TJP3: variants seen among roughly 807,000 people sequenced by gnomAD.
TJP3 encodes the protein tight junction protein ZO-3.
Under a neutral mutation model 104.2 loss-of-function variants are expected in TJP3, and 85 were observed. That is an observed-to-expected ratio of 0.82 (90% CI 0.68 to 0.98). TJP3 has a LOEUF of 0.98. Ranked by LOEUF, TJP3 falls within the 50% of genes least tolerant of loss-of-function variation. The pLI, the probability that TJP3 is intolerant of heterozygous loss-of-function variation, is 0.00. For synonymous variants in TJP3, 550 were observed against 550.6 expected, an observed-to-expected ratio of 1.00 and a Z score of 0.02; for missense variants, 1,367 against 1,322.8, an observed-to-expected ratio of 1.03 and a Z score of -0.52.
chr19:3,746,408 C>T lies in TJP3; in HGVS notation c.2011-77C>T. On this transcript the variant is annotated intron_variant, in intron 16 of 20. Coordinates refer to ENST00000541714, the MANE Select transcript of TJP3 (RefSeq NM_001267560.2). The surrounding 1 kb of genome is among the most constrained non-coding windows in gnomAD (Gnocchi z 4.1). ...CTGGGGTCCACTCTGACCTCAGACT[C>T]TTCATCTTTCTATCTTTCTCTCTCT... is the stretch of plus-strand genomic sequence containing the variant. 19 of 1,509,810 alleles carry T rather than the reference C, an allele frequency of 1.3e-5. No homozygotes were observed. Among genetic ancestry groups the T allele is most frequent in the Non-Finnish European group, 1.7e-5 (19 of 1,100,324 alleles). The allele number at this position is 1,509,810 out of a possible 1,614,324, so 93.5% of individuals were successfully genotyped here.
rs1568383008 is a variant in TJP3, at chr19:3,732,031, T to C, written c.710T>C (p.Ile237Thr). The C allele has an allele frequency of 1.9e-6, 3 of 1,612,294 alleles. No individual in the cohort carries two copies. Among genetic ancestry groups the C allele is most frequent in the African/African-American group, 1.3e-5 (1 of 74,914 alleles). Reference sequence around the variant, plus strand: ...CGTGGGCTGCAGGAAGGAGATCTCATTCTACAGGTGAGGCCGGGCTTCTTG... The same window carrying C: ...CGTGGGCTGCAGGAAGGAGATCTCACTCTACAGGTGAGGCCGGGCTTCTTG... ...RHRGLQEGDL[I>T]LQINGVSSQN... The change falls in exon 6 of 21, where the codon ATT (isoleucine) becomes ACT (threonine). Residue 237 changes from isoleucine to threonine, a missense_variant. Ile to Thr is a moderately conservative substitution (Grantham distance 89). Coordinates refer to ENST00000541714, the MANE Select transcript of TJP3 (RefSeq NM_001267560.2).
intron 10 of TJP3, 86 bp from the exon 11 acceptor site, chr19:3,736,079 G>C: frequency 6.4e-7 from 1 of 1,569,836 alleles, no homozygotes; most frequent in South Asian, 1.2e-5. Context: ...AGGCCTGGAG[G>C]GGGTGGGGGC....
At chr19:3,717,518 C>T (rs889089363) in intron 1 of TJP3, among the ~76,000 whole-genome samples, 20 of 151,728 alleles carry the variant, frequency 1.3e-4, no homozygotes, top group Non-Finnish European at 2.4e-4. Flanking sequence ...TCACTGCAAC[C>T]GCCGCCTCCC....
rs777251677 is a variant in TJP3, at chr19:3,750,151, A to AC, written c.2629dup (p.Gln877ProfsTer13). The AC allele has an allele frequency of 1.9e-5, 30 of 1,613,596 alleles. No individual in the cohort carries two copies. ...CTCTCCTCCAAGGTGGACAGCCGCC[A>AC]CCCCCAGGGACAGTGGCGACAGGAC... On this transcript the variant is annotated frameshift_variant, in exon 20 of 21. Transcript: ENST00000541714. LOFTEE classifies it high-confidence loss of function.
Position 3,730,805 on chromosome 19 carries a change from C to A in TJP3, c.613+99C>A. On this transcript the variant is annotated intron_variant, in intron 5 of 20. Coordinates refer to ENST00000541714, the MANE Select transcript of TJP3 (RefSeq NM_001267560.2). The surrounding 1 kb of genome is among the most constrained non-coding windows in gnomAD (Gnocchi z 7.3). ...AAGTGATTCTCCTGCCTCAGCCTCCCTGGTGGCTGGGACTCCAGGCGCCCG... is the reference window on the plus strand; with the variant it reads ...AAGTGATTCTCCTGCCTCAGCCTCCATGGTGGCTGGGACTCCAGGCGCCCG... 3.0e-6 allele frequency: 4 copies of A among 1,312,130 alleles called. No homozygotes were observed. The highest frequency in any genetic ancestry group is 4.1e-6 in the Non-Finnish European group (4 of 978,266). The allele number at this position is 1,312,130 out of a possible 1,614,324, so 81.3% of individuals were successfully genotyped here.
At chr19:3,712,043 C>T (rs1033010881) in intron 1 of TJP3, among the ~76,000 whole-genome samples, 3 of 151,946 alleles carry the variant, frequency 2.0e-5, no homozygotes, top group Non-Finnish European at 4.4e-5. Context: ...GGACCAGACA[C>T]GGTGGCTCAC....
chr19:3,737,724 C>T (rs117498787), intron 11 of TJP3, among the ~76,000 whole-genome samples: 1 of 152,180 alleles, frequency 6.6e-6, no homozygotes, highest in Non-Finnish European at 1.5e-5. Context: ...CATAAGCCCA[C>T]TGGCTGGGTG....
intron 1 of TJP3, among the ~76,000 whole-genome samples, chr19:3,716,536 G>A (rs1388940874): frequency 2.0e-5 from 3 of 147,932 alleles, no homozygotes; most frequent in African/African-American, 7.3e-5. Context: ...GTGGGCGCAC[G>A]AGTGTTGTGT....
chr19:3,715,251 A>G (rs2036467289), intron 1 of TJP3, among the ~76,000 whole-genome samples: 1 of 151,532 alleles, frequency 6.6e-6, no homozygotes, highest in African/African-American at 2.4e-5. Context: ...CACCACACCC[A>G]GCTATATTTT....
In TJP3 at chr19:3,724,212, T is replaced by A. The variant is rs182224807; in HGVS notation, c.-9-4212T>A. On this transcript the variant is annotated intron_variant, in intron 1 of 20. Transcript: ENST00000541714. Reference sequence around the variant, plus strand: ...CCCTGGGGCTGTCTCTTTTTTTTTTTTGAGACGGAGTTTCCCTCTGTCGCC... The same window carrying A: ...CCCTGGGGCTGTCTCTTTTTTTTTTATGAGACGGAGTTTCCCTCTGTCGCC... Among the ~76,000 whole-genome samples the A allele has an allele frequency of 2.8e-3, 424 of 152,100 alleles. 2 individuals are homozygous for A. The highest frequency in any genetic ancestry group is 9.9e-3 in the African/African-American group (409 of 41,512).
intron 11 of TJP3, 112 bp downstream of exon 11, chr19:3,736,433 C>A (rs2036741212): frequency 9.0e-7 from 1 of 1,115,300 alleles, no homozygotes; most frequent in Non-Finnish European, 1.2e-6. Context: ...CTGTCGAGAC[C>A]CCAGATGGGT....
At chr19:3,742,832 G>T (rs929586070) in intron 14 of TJP3, among the ~76,000 whole-genome samples, 4 of 151,398 alleles carry the variant, frequency 2.6e-5, no homozygotes, top group Non-Finnish European at 4.4e-5. Flanking sequence ...CGGGCGTGGT[G>T]GTGGGCGCCT....
chr19:3,723,809 ATATAT>A (rs1227613139), intron 1 of TJP3, among the ~76,000 whole-genome samples: 7,515 of 86,080 alleles, frequency 0.087, 263 homozygotes, highest in Middle Eastern at 0.13. Flanking sequence ...AAAAAAAAAA[ATATAT>A]ATATATATAT....
chr19:3,714,922 A>G (rs950423194), intron 1 of TJP3, among the ~76,000 whole-genome samples: 3 of 152,330 alleles, frequency 2.0e-5, no homozygotes, highest in African/African-American at 7.2e-5. Context: ...TTGGCTTGCA[A>G]CAGTTTTGTT....
At chr19:3,724,344 G>C (rs113913018) in intron 1 of TJP3, among the ~76,000 whole-genome samples, 12,830 of 151,486 alleles carry the variant, frequency 0.085, 638 homozygotes, top group Non-Finnish European at 0.12. Context: ...TACAGGCGCC[G>C]GCCACCACGC....
chr19:3,718,178 CGAG>C (rs2036501653), intron 1 of TJP3, among the ~76,000 whole-genome samples: 1 of 98,340 alleles, frequency 1.0e-5, no homozygotes, highest in African/African-American at 4.1e-5. Context: ...GGCAACAGGG[CGAG>C]ACTCCAACTC....
chr19:3,730,156 C>A lies in TJP3; in HGVS notation c.261+26C>A, dbSNP rs1329072585. ...GTGAGTAGGCAGCCCCTGGCATGGC[C>A]AGCATCTCTGACCCCAGCCTGGGTC... is the stretch of plus-strand genomic sequence containing the variant. On this transcript the variant is annotated intron_variant, in intron 4 of 20. Coordinates refer to ENST00000541714, the MANE Select transcript of TJP3 (RefSeq NM_001267560.2). This position sits in a 1 kb window ranked among gnomAD's most constrained non-coding sequence, Gnocchi z 7.3. 1.9e-6 allele frequency: 3 copies of A among 1,607,976 alleles called. No individual in the cohort carries two copies. Among genetic ancestry groups the A allele is most frequent in the African/African-American group, 2.7e-5 (2 of 74,792 alleles).
At position 3,734,320 on chromosome 19, in the gene TJP3, C is replaced by T. The variant is rs184889448; in HGVS notation, c.878-7C>T. 1 of 1,613,166 alleles carries T rather than the reference C, an allele frequency of 6.2e-7. No homozygotes were observed. The highest frequency in any genetic ancestry group is 8.5e-7 in the Non-Finnish European group (1 of 1,179,460). On this transcript the variant is annotated splice_polypyrimidine_tract_variant and splice_region_variant and intron_variant, in intron 7 of 20. Transcript: ENST00000541714. Reference sequence around the variant, plus strand: ...CATGGCTGATGAGATGTCCTCTCCCCCTGCAGACATCTCGGACCTCGCCTC... The same window carrying T: ...CATGGCTGATGAGATGTCCTCTCCCTCTGCAGACATCTCGGACCTCGCCTC...
At chr19:3,712,033 G>A (rs2036439202) in intron 1 of TJP3, among the ~76,000 whole-genome samples, 1 of 150,016 alleles carries the variant, frequency 6.7e-6, no homozygotes, top group Admixed American at 6.7e-5. Context: ...GTTCTCCTCT[G>A]GACCAGACAC....
Sources: allele counts gnomAD v4.1 joint callset (sites outside exome capture counted in the v4.1 genomes callset), GRCh38; gene constraint gnomAD v4.1.1; non-coding constraint Gnocchi (gnomAD v3.1); transcripts MANE v1.5; gene names NCBI Gene and HGNC (gene_info 2026-07-23, HGNC 2026-07-21).